ICAM5: variants seen among roughly 807,000 people sequenced by gnomAD.
The protein encoded by ICAM5 is intercellular adhesion molecule 5, also known as ICAM-5.
Under a neutral mutation model 78.8 loss-of-function variants are expected in ICAM5, and 38 were observed. The observed-to-expected ratio is 0.48, with a 90% CI of 0.37 to 0.63. The LOEUF (loss-of-function observed/expected upper bound fraction) is 0.63, where lower values mean the gene tolerates loss of function less well. ICAM5 is among the 30% of genes least tolerant of loss of function. ICAM5 has a pLI of 0.00. For missense variants in ICAM5, 1,059 were observed against 1,303.0 expected (o/e 0.81, Z 2.88); for synonymous variants, 544 against 590.9 (o/e 0.92, Z 1.15).
Position 10,294,064 on chromosome 19 carries a change from G to C in ICAM5, c.1736G>C (p.Ser579Thr), listed in dbSNP as rs753480140. 2 of 1,581,786 alleles carry C rather than the reference G, an allele frequency of 1.3e-6. No homozygotes were observed. The highest frequency in any genetic ancestry group is 1.7e-6 in the Non-Finnish European group (2 of 1,162,662). Residue 579 changes from serine to threonine, a missense_variant, in exon 8 of 11, where the codon AGC becomes ACC. This residue lies in a region of ICAM5 where 815 missense variants were observed against 952.8 expected (regional missense o/e 0.86). Coordinates refer to ENST00000221980, the MANE Select transcript of ICAM5 (RefSeq NM_003259.4). The surrounding 1 kb of genome is among the most constrained non-coding windows in gnomAD (Gnocchi z 7.7). ...GATGGCCCCAGGTTTGAGGAGCCGA[G>C]CTGCCCCAGCAATTGGACATGGGTG... ...VEYGPRFEEPSCPSNWTWVEG... is the reference protein window; with the variant it reads ...VEYGPRFEEPTCPSNWTWVEG...
At position 10,292,379 on chromosome 19, in the gene ICAM5, G is replaced by A. The variant is rs971160735; in HGVS notation, c.961+57G>A. The A allele has an allele frequency of 2.0e-6, 3 of 1,515,722 alleles. No individual in the cohort carries two copies. In the Admixed American group the frequency reaches 6.0e-5, roughly 30 times the overall value. The allele number at this position is 1,515,722 out of a possible 1,614,324, so 93.9% of individuals were successfully genotyped here. Reference sequence around the variant, plus strand: ...GAGGTGGGACCAGAGGAATGCGAAGGCGGGGCGAAGAGTGGGCGGGACCTC... The same window carrying A: ...GAGGTGGGACCAGAGGAATGCGAAGACGGGGCGAAGAGTGGGCGGGACCTC... On this transcript the variant is annotated intron_variant, in intron 4 of 10. Coordinates refer to ENST00000221980, the MANE Select transcript of ICAM5 (RefSeq NM_003259.4).
At chr19:10,291,996 C>T in intron 3 of ICAM5, 39 bp from the exon 4 acceptor site, 1 of 1,592,800 alleles carries the variant, frequency 6.3e-7, no homozygotes. Flanking sequence ...ACATATTGAG[C>T]GCTCGGAGTT....
Position 10,293,612 on chromosome 19 carries a change from G to T in ICAM5, c.1466-86G>T. ...AAGGGTTATGCAGGGACAACACTTC[G>T]TGGAAGCCTTGCCGCGCCAAGGAGG... On this transcript the variant is annotated intron_variant, in intron 6 of 10. Coordinates refer to ENST00000221980, the MANE Select transcript of ICAM5 (RefSeq NM_003259.4). The surrounding 1 kb of genome is among the most constrained non-coding windows in gnomAD (Gnocchi z 5.0). 2.6e-6 allele frequency: 4 copies of T among 1,528,814 alleles called. No individual in the cohort carries two copies. The highest frequency in any genetic ancestry group is 3.5e-6 in the Non-Finnish European group (4 of 1,130,952). The allele number at this position is 1,528,814 out of a possible 1,614,324, so 94.7% of individuals were successfully genotyped here.
At position 10,296,532 on chromosome 19, in the gene ICAM5, G is replaced by T; in HGVS notation, c.2691G>T (p.Ala897=). Residue 897 remains alanine (A), a synonymous_variant, in exon 11 of 11, where the codon GCG becomes GCT. Transcript: ENST00000221980. ...GCGGCGCTGGCGGGGCGGCAGGCGC[G>T]GAGGGCGGACCCGAGGCGGCGGGGG... ...AGGGAGGAAG[A]EGGPEAAGGA... is the part of the protein sequence containing the mutation. The T allele has an allele frequency of 8.1e-7, 1 of 1,228,528 alleles. No homozygotes were observed. Among genetic ancestry groups the T allele is most frequent in the Non-Finnish European group, 1.0e-6 (1 of 976,886 alleles). The allele number at this position is 1,228,528 out of a possible 1,614,324, so 76.1% of individuals were successfully genotyped here. A position where few individuals can be genotyped will look rare whatever the true frequency, so the allele number is the denominator to read the frequency against.
intron 1 of ICAM5, 37 bp from the exon 2 acceptor site, chr19:10,291,035 T>C: frequency 6.3e-7 from 1 of 1,575,872 alleles, no homozygotes; most frequent in Non-Finnish European, 8.6e-7. Context: ...TGTCAGGGAG[T>C]TGGCTCCCCA....
At chr19:10,295,709 C>G (rs559232630) in intron 10 of ICAM5, 97 bp downstream of exon 10, 24 of 1,341,290 alleles carry the variant, frequency 1.8e-5, no homozygotes, top group East Asian at 2.5e-5. Flanking sequence ...CTCTCGGTCC[C>G]GGTAGACTAG....
chr19:10,290,346 T>A lies in ICAM5; in HGVS notation c.82+221T>A. Reference sequence around the variant, plus strand: ...CCCCTACCCGCTTCGAGATCCTAGGTGTTCTTCCGCACCCAACCCTTCGCC... The same window carrying A: ...CCCCTACCCGCTTCGAGATCCTAGGAGTTCTTCCGCACCCAACCCTTCGCC... On this transcript the variant is annotated intron_variant, in intron 1 of 10. Coordinates refer to ENST00000221980, the MANE Select transcript of ICAM5 (RefSeq NM_003259.4). This position sits in a 1 kb window ranked among gnomAD's most constrained non-coding sequence, Gnocchi z 5.7. The A allele has an allele frequency of 2.1e-6, 1 of 487,668 alleles. No homozygotes were observed. Among genetic ancestry groups the A allele is most frequent in the East Asian group, 3.5e-5 (1 of 28,940 alleles). The allele number at this position is 487,668 out of a possible 1,614,324, so 30.2% of individuals were successfully genotyped here. A position where few individuals can be genotyped will look rare whatever the true frequency, so the allele number is the denominator to read the frequency against.
chr19:10,296,641 CG>C lies in ICAM5; in HGVS notation c.*30del, dbSNP rs1468135009. 5.8e-6 allele frequency: 7 copies of C among 1,208,762 alleles called. No individual in the cohort carries two copies. Among genetic ancestry groups the C allele is most frequent in the East Asian group, 3.4e-5 (1 of 29,506 alleles). The allele number at this position is 1,208,762 out of a possible 1,614,324, so 74.9% of individuals were successfully genotyped here. A position where few individuals can be genotyped will look rare whatever the true frequency, so the allele number is the denominator to read the frequency against. ...AGCCCGCTCCCCTCTCCCCGCGGGC[CG>C]GGGGACGCCCCCCAGACTCACACGG... On this transcript the variant is annotated 3_prime_UTR_variant, in exon 11 of 11. Transcript: ENST00000221980.
rs771455208 is a variant in ICAM5, at chr19:10,295,380, C to G, written c.2265C>G (p.Pro755=). ...RPVVAELAAS[P]PGGVRPGGNF... is the part of the protein sequence containing the mutation. ...TGGTGGCCGAACTTGCTGCCTCGCC[C>G]CCTGGAGGCGTGCGCCCAGGAGGAA... is the stretch of plus-strand genomic sequence containing the variant. The change falls in exon 10 of 11, where the codon CCC becomes CCG. Residue 755 remains proline, a synonymous_variant. Coordinates refer to ENST00000221980, the MANE Select transcript of ICAM5 (RefSeq NM_003259.4). 3.8e-6 allele frequency: 6 copies of G among 1,591,220 alleles called. No homozygotes were observed. In the African/African-American group the frequency reaches 6.7e-5, roughly 18 times the overall value.
chr19:10,291,659 C>A lies in ICAM5; in HGVS notation c.523C>A (p.Arg175=), dbSNP rs1434207024. 3.1e-6 allele frequency: 5 copies of A among 1,612,034 alleles called. No individual in the cohort carries two copies. Among genetic ancestry groups the A allele is most frequent in the Non-Finnish European group, 4.2e-6 (5 of 1,179,554 alleles). Residue 175 remains arginine (R), a synonymous_variant, in exon 3 of 11, where the codon CGA becomes AGA. Coordinates refer to ENST00000221980, the MANE Select transcript of ICAM5 (RefSeq NM_003259.4). The part of the protein sequence containing the change: ...IRRSFAGEPP[R]ARGAVLTATV... ...CCGCAGCTTCGCCGGTGAACCACCC[C>A]GAGCGCGGGGCGCGGTGCTCACAGC...
intron 4 of ICAM5, 97 bp from the exon 5 acceptor site, chr19:10,292,515 G>A: frequency 6.8e-7 from 1 of 1,480,428 alleles, no homozygotes; most frequent in South Asian, 1.3e-5. Flanking sequence ...ACCCTAGTTC[G>A]TTCTCAGCAC....
chr19:10,291,348 T>A lies in ICAM5; in HGVS notation c.352+7T>A. 1 of 1,606,566 alleles carries A rather than the reference T, an allele frequency of 6.2e-7. No individual in the cohort carries two copies. Among genetic ancestry groups the A allele is most frequent in the Non-Finnish European group, 8.5e-7 (1 of 1,175,152 alleles). On this transcript the variant is annotated splice_region_variant and intron_variant, in intron 2 of 10. Transcript: ENST00000221980. Reference sequence around the variant, plus strand: ...GGGCTCATTCGCACTTTCCGTGAGTTCTGGGTGGCCACGCGCGTACTCCAC... The same window carrying A: ...GGGCTCATTCGCACTTTCCGTGAGTACTGGGTGGCCACGCGCGTACTCCAC...
At position 10,293,118 on chromosome 19, in the gene ICAM5, C is replaced by G; in HGVS notation, c.1337C>G (p.Ser446Cys). 6.2e-7 allele frequency: 1 copy of G among 1,609,506 alleles called. No individual in the cohort carries two copies. The highest frequency in any genetic ancestry group is 8.5e-7 in the Non-Finnish European group (1 of 1,178,296). Residue 446 changes from serine to cysteine, a missense_variant, in exon 6 of 11, where the codon TCC becomes TGC. This residue lies in a region of ICAM5 where 815 missense variants were observed against 952.8 expected (regional missense o/e 0.86). Transcript: ENST00000221980. This position sits in a 1 kb window ranked among gnomAD's most constrained non-coding sequence, Gnocchi z 5.0. ...GAACCCTCAGTGCACTGTGCGCGCTCCGACGGCGGGGCCGTGCTGGCTCTG... is the reference window on the plus strand; with the variant it reads ...GAACCCTCAGTGCACTGTGCGCGCTGCGACGGCGGGGCCGTGCTGGCTCTG... ...NPEPSVHCAR[S>C]DGGAVLALGL...
rs1185527663 is a variant in ICAM5, at chr19:10,291,240, C to T, written c.251C>T (p.Ala84Val). Residue 84 changes from alanine to valine, a missense_variant, in exon 2 of 11, where the codon GCG becomes GTG. Coordinates refer to ENST00000221980, the MANE Select transcript of ICAM5 (RefSeq NM_003259.4). ...ACCCAGAGGGGTTTGCGTTGGTTGG[C>T]GCGGCAGCTGGTGGACATTCGCGAG... ...NGTQRGLRWL[A>V]RQLVDIREPE... 1.2e-6 allele frequency: 2 copies of T among 1,612,370 alleles called. No individual in the cohort carries two copies. Among genetic ancestry groups the T allele is most frequent in the Admixed American group, 1.7e-5 (1 of 60,012 alleles).
rs2569704 is a variant in ICAM5, at chr19:10,294,393, C to T, written c.1991-8C>T. 1.6e-5 allele frequency: 26 copies of T among 1,612,928 alleles called. No homozygotes were observed. Among genetic ancestry groups the T allele is most frequent in the South Asian group, 1.4e-4 (13 of 91,066 alleles). ...CACTCCCTGACATCCCCCATGGCTG[C>T]TTTGCAGCGCCACCGGAGATGGATG... is the stretch of plus-strand genomic sequence containing the variant. On this transcript the variant is annotated splice_polypyrimidine_tract_variant and splice_region_variant and intron_variant, in intron 8 of 10. Transcript: ENST00000221980. This position sits in a 1 kb window ranked among gnomAD's most constrained non-coding sequence, Gnocchi z 7.7.
intron 10 of ICAM5, among the ~76,000 whole-genome samples, chr19:10,296,061 C>G (rs1175884498): frequency 2.6e-5 from 4 of 152,044 alleles, no homozygotes; most frequent in African/African-American, 9.7e-5. Flanking sequence ...CCTGCCGGTC[C>G]TCATTTTTTG....
At position 10,292,176 on chromosome 19, in the gene ICAM5, G is replaced by A; in HGVS notation, c.815G>A (p.Ser272Asn). The change falls in exon 4 of 11, where the codon AGT (serine) becomes AAT (asparagine). Residue 272 changes from serine to asparagine, a missense_variant. Physicochemically the swap from Ser to Asn is conservative, Grantham distance 46. Coordinates refer to ENST00000221980, the MANE Select transcript of ICAM5 (RefSeq NM_003259.4). The part of the protein sequence containing the change: ...VYLALGDQNL[S>N]PDVTLEGDAF... The stretch of plus-strand genomic sequence containing the variant: ...CTCGCACTGGGGGACCAGAATCTGA[G>A]TCCTGATGTCACCCTCGAAGGGGAC... The A allele has an allele frequency of 6.2e-7, 1 of 1,613,396 alleles. No individual in the cohort carries two copies. The highest frequency in any genetic ancestry group is 8.5e-7 in the Non-Finnish European group (1 of 1,180,044).
At position 10,290,832 on chromosome 19, in the gene ICAM5, A is replaced by T. The variant is rs567821379; in HGVS notation, c.83-240A>T. On this transcript the variant is annotated intron_variant, in intron 1 of 10. Coordinates refer to ENST00000221980, the MANE Select transcript of ICAM5 (RefSeq NM_003259.4). The surrounding 1 kb of genome is among the most constrained non-coding windows in gnomAD (Gnocchi z 5.7). ...TCCCCCCATGCTTTCCCGCCGCTCC[A>T]TCGGCGCTTTGGAGACCATGGCTCT... The T allele has an allele frequency of 5.3e-5, 31 of 583,474 alleles. No individual in the cohort carries two copies. Among genetic ancestry groups the T allele is most frequent in the Non-Finnish European group, 9.1e-5 (30 of 331,288 alleles). 36.1% of individuals were successfully genotyped at this position (583,474 alleles called of 1,614,324 possible).
At position 10,290,991 on chromosome 19, in the gene ICAM5, T is replaced by G; in HGVS notation, c.83-81T>G. On this transcript the variant is annotated intron_variant, in intron 1 of 10. Coordinates refer to ENST00000221980, the MANE Select transcript of ICAM5 (RefSeq NM_003259.4). The surrounding 1 kb of genome is among the most constrained non-coding windows in gnomAD (Gnocchi z 5.7). Reference sequence around the variant, plus strand: ...GCCTCTCCTCCTCCTCCCCGCCCTCTGAGAACCCTTGACTCGACATAGGGG... The same window carrying G: ...GCCTCTCCTCCTCCTCCCCGCCCTCGGAGAACCCTTGACTCGACATAGGGG... The G allele has an allele frequency of 7.8e-5, 115 of 1,476,484 alleles. No individual in the cohort carries two copies. Among genetic ancestry groups the G allele is most frequent in the Non-Finnish European group, 9.6e-5 (106 of 1,103,388 alleles). The allele number at this position is 1,476,484 out of a possible 1,614,324, so 91.5% of individuals were successfully genotyped here. A position where few individuals can be genotyped will look rare whatever the true frequency, so the allele number is the denominator to read the frequency against.
Sources: gnomAD v4.1 joint callset for allele counts (sites outside exome capture counted in the v4.1 genomes callset) on GRCh38, gnomAD v4.1.1 for gene constraint, gnomAD v4.1.1 regional missense constraint, Gnocchi (gnomAD v3.1) non-coding constraint, MANE v1.5 for transcripts, NCBI Gene and HGNC (gene_info 2026-07-23, HGNC 2026-07-21) for gene names.